The following EPB41L2 variants were observed in gnomAD, a reference collection of about 807,000 sequenced individuals.
The protein encoded by EPB41L2 is band 4.1-like protein 2.
A neutral mutation model predicts 113.0 loss-of-function variants in EPB41L2; 43 were observed. That is an observed-to-expected ratio of 0.38 (90% confidence interval 0.30 to 0.49). EPB41L2 has a LOEUF of 0.49. Among genes scored for constraint, EPB41L2 ranks in the 20% least tolerant of loss-of-function variants. The probability of loss-of-function intolerance (pLI) is 0.95; values close to 1 mark genes in which losing one functional copy is unlikely to be tolerated. For missense variants in EPB41L2, 1,147 were observed against 1,223.4 expected (o/e 0.94, Z 0.93); for synonymous variants, 442 against 436.7 (o/e 1.01, Z -0.15).
intron 1 of EPB41L2, among the ~76,000 whole-genome samples, chr6:130,995,674 G>A (rs1183851529): frequency 2.6e-5 from 4 of 152,166 alleles, no homozygotes; most frequent in African/African-American, 7.2e-5. Flanking sequence ...ATAGTACATA[G>A]TATATATCTG....
Position 130,954,355 on chromosome 6 carries a change from A to G in EPB41L2, c.705+750T>C, listed in dbSNP as rs562700635. On this transcript the variant is annotated intron_variant, in intron 3 of 19. Transcript: ENST00000337057. ...GGCTTGAGCCACCGCACCCAGCCCT[A>G]AAACTTTGGGCAAGGAATTTAACTT... Among the ~76,000 whole-genome samples, 185 of 152,178 alleles carry G rather than the reference A, an allele frequency of 1.2e-3. 2 individuals are homozygous for G. Among genetic ancestry groups the G allele is most frequent in the African/African-American group, 4.4e-3 (183 of 41,540 alleles).
chr6:130,988,129 T>C (rs1202043001), intron 1 of EPB41L2, among the ~76,000 whole-genome samples: 2 of 149,770 alleles, frequency 1.3e-5, no homozygotes, highest in African/African-American at 4.9e-5. Flanking sequence ...AATAAATAAA[T>C]AAAAATAGGC....
At chr6:130,867,965 C>CACACAA (rs1382135153) in intron 15 of EPB41L2, 1 of 152,286 alleles carries the variant, frequency 6.6e-6, no homozygotes, top group Non-Finnish European at 1.3e-5. Context: ...CACACACACA[C>CACACAA]ACACACACTC....
intron 1 of EPB41L2, among the ~76,000 whole-genome samples, chr6:131,027,331 T>C (rs1791105546): frequency 1.3e-5 from 2 of 152,172 alleles, no homozygotes; most frequent in African/African-American, 4.8e-5. Flanking sequence ...GCCTTACAAG[T>C]TAGACTCACA....
intron 4 of EPB41L2, among the ~76,000 whole-genome samples, chr6:130,911,706 G>T (rs1263965730): frequency 6.6e-6 from 1 of 151,958 alleles, no homozygotes; most frequent in Non-Finnish European, 1.5e-5. Flanking sequence ...TTTGTTTTTC[G>T]AAGCTACAAG....
At chr6:130,985,434 C>T (rs928625839) in intron 1 of EPB41L2, among the ~76,000 whole-genome samples, 4 of 152,056 alleles carry the variant, frequency 2.6e-5, no homozygotes, top group Non-Finnish European at 5.9e-5. Context: ...CTTGGGTGCG[C>T]GACAAGAACT....
chr6:130,850,489 A>G (rs576326303), intron 19 of EPB41L2, among the ~76,000 whole-genome samples: 1 of 152,314 alleles, frequency 6.6e-6, no homozygotes, highest in South Asian at 2.1e-4. Flanking sequence ...CAATAACTAT[A>G]AAGTACTATT....
At chr6:130,973,400 C>G (rs1451464315) in intron 1 of EPB41L2, among the ~76,000 whole-genome samples, 1 of 152,092 alleles carries the variant, frequency 6.6e-6, no homozygotes, top group African/African-American at 2.4e-5. Flanking sequence ...CAATTCAGAG[C>G]ATCATCCCTT....
At chr6:130,969,123 T>C (rs942745383) in intron 1 of EPB41L2, among the ~76,000 whole-genome samples, 5 of 152,186 alleles carry the variant, frequency 3.3e-5, no homozygotes, top group Non-Finnish European at 7.3e-5. Context: ...GATGATTGGC[T>C]GTCCAGGTCA....
chr6:130,909,998 T>C (rs998398146), intron 4 of EPB41L2, among the ~76,000 whole-genome samples: 2 of 152,208 alleles, frequency 1.3e-5, no homozygotes, highest in Non-Finnish European at 2.9e-5. Context: ...AAGCTACCAT[T>C]GACTTTCTTC....
chr6:131,016,637 A>G (rs1788285245), intron 1 of EPB41L2, among the ~76,000 whole-genome samples: 1 of 152,138 alleles, frequency 6.6e-6, no homozygotes, highest in Admixed American at 6.6e-5. Context: ...TGTGTTTTTC[A>G]TAAATTCCCA....
intron 3 of EPB41L2, among the ~76,000 whole-genome samples, chr6:130,953,805 T>C (rs923832190): frequency 6.6e-6 from 1 of 151,948 alleles, no homozygotes; most frequent in Admixed American, 6.6e-5. Context: ...GCACTTGGCC[T>C]TTCCACCATG....
Position 130,859,489 on chromosome 6 carries a change from C to G in EPB41L2, c.2911-1246G>C, listed in dbSNP as rs191090888. On this transcript the variant is annotated intron_variant, in intron 18 of 19. Coordinates refer to ENST00000337057, the MANE Select transcript of EPB41L2 (RefSeq NM_001431.4). ...CTGCACCACTGCACTCCAGCCTGGGCAACAGAGTGAGACTTTGTCTCAAAA... is the reference window on the plus strand; with the variant it reads ...CTGCACCACTGCACTCCAGCCTGGGGAACAGAGTGAGACTTTGTCTCAAAA... 4.5e-5 allele frequency among the ~76,000 whole-genome samples: 6 copies of G among 132,122 alleles called. No individual in the cohort carries two copies. The East Asian group carries it at 1.4e-3, about 30-fold the overall frequency. The allele number at this position is 132,122 out of a possible 152,430, so 86.7% of individuals were successfully genotyped here.
At position 130,869,697 on chromosome 6, in the gene EPB41L2, C is replaced by T. The variant is rs761611852; in HGVS notation, c.2473G>A (p.Gly825Arg). ...GCGCCTTCGTGTACACTCTTCTCTC[C>T]GGGTATCTTTTGGGCACCTACATTT... ...QENVGAQKIP[G>R]EKSVHEGALK... The change falls in exon 15 of 20, where the codon GGA (glycine) becomes AGA (arginine). Residue 825 changes from glycine to arginine, a missense_variant. Transcript: ENST00000337057. 62 of 1,614,036 alleles carry T rather than the reference C, an allele frequency of 3.8e-5. No individual in the cohort carries two copies. Among genetic ancestry groups the T allele is most frequent in the Admixed American group, 6.7e-5 (4 of 60,006 alleles).
intron 1 of EPB41L2, among the ~76,000 whole-genome samples, chr6:131,043,392 A>G (rs571869189): frequency 6.6e-6 from 1 of 152,334 alleles, no homozygotes; most frequent in African/African-American, 2.4e-5. Flanking sequence ...AAGAAATAAC[A>G]AAACCAATGA....
Position 130,901,149 on chromosome 6 carries a change from T to C in EPB41L2, c.961A>G (p.Ile321Val), listed in dbSNP as rs1222201569. ...GAGCAGGGCAGGCGGCCAGAGGCAA[T>C]GTCCTGCCGGAGCTGAAGGCACAAG... is the stretch of plus-strand genomic sequence containing the variant. ...YFLCLQLRQD[I>V]ASGRLPCSFV... Residue 321 changes from isoleucine to valine, a missense_variant, in exon 7 of 20, where the codon ATT becomes GTT. By Grantham distance (29) the Ile-to-Val change is conservative. Coordinates refer to ENST00000337057, the MANE Select transcript of EPB41L2 (RefSeq NM_001431.4). 2 of 1,613,832 alleles carry C rather than the reference T, an allele frequency of 1.2e-6. No individual in the cohort carries two copies. The highest frequency in any genetic ancestry group is 2.2e-5 in the South Asian group (2 of 91,060).
At chr6:131,024,073 A>G (rs983134531) in intron 1 of EPB41L2, among the ~76,000 whole-genome samples, 23 of 152,100 alleles carry the variant, frequency 1.5e-4, no homozygotes, top group African/African-American at 5.6e-4. Context: ...ACAGAGCTCT[A>G]GGTCTACAAC....
At chr6:131,051,837 G>T (rs1007372265) in intron 1 of EPB41L2, among the ~76,000 whole-genome samples, 2 of 152,126 alleles carry the variant, frequency 1.3e-5, no homozygotes, top group Non-Finnish European at 2.9e-5. Context: ...TTTAAGACAT[G>T]CAAGCCTCAA....
chr6:130,867,512 C>T lies in EPB41L2; in HGVS notation c.2677G>A (p.Glu893Lys). The T allele has an allele frequency of 6.2e-7, 1 of 1,613,974 alleles. No individual in the cohort carries two copies. The highest frequency in any genetic ancestry group is 1.1e-5 in the South Asian group (1 of 91,070). Residue 893 changes from glutamate (E) to lysine (K), a missense_variant, in exon 16 of 20, where the codon GAA becomes AAA. Transcript: ENST00000337057. Reference sequence around the variant, plus strand: ...GTCTCAGTTTGGACAATGGGGACTTCCTTGGTGGAGATTTCTGTCCTTTGT... The same window carrying T: ...GTCTCAGTTTGGACAATGGGGACTTTCTTGGTGGAGATTTCTGTCCTTTGT... ...ASQRTEISTKEVPIVQTETKT... is the reference protein window; with the variant it reads ...ASQRTEISTKKVPIVQTETKT...
Sources: allele counts gnomAD v4.1 joint callset (sites outside exome capture counted in the v4.1 genomes callset), GRCh38; gene constraint gnomAD v4.1.1; transcripts MANE v1.5; gene names NCBI Gene and HGNC (gene_info 2026-07-23, HGNC 2026-07-21).